Variants in STON1 observed in about 807,000 individuals in gnomAD.
STON1 encodes the protein stonin-1.
A neutral mutation model predicts 60.9 loss-of-function variants in STON1; 79 were observed. The ratio of observed to expected loss-of-function variants is 1.30; its 90% CI spans 1.08 to 1.56. The LOEUF (loss-of-function observed/expected upper bound fraction) is 1.56. STON1 is among the 40% of genes most tolerant of loss of function. The pLI is 0.00. For synonymous variants in STON1, 363 were observed against 306.9 expected (o/e 1.18, Z -1.91); for missense variants, 1,166 against 858.9 (o/e 1.36, Z -4.47).
At position 48,539,508 on chromosome 2, in the gene STON1, C is replaced by G. The variant is rs569016083; in HGVS notation, c.-48+9292C>G. Among the ~76,000 whole-genome samples, 7 of 151,948 alleles carry G rather than the reference C, an allele frequency of 4.6e-5. No homozygotes were observed. The South Asian group carries it at 1.0e-3, about 23-fold the overall frequency. The stretch of plus-strand genomic sequence containing the variant: ...TGTGTGGTGTTATGATATATGTTTT[C>G]TTTTTTGAGATGGGATGGAGTCTCG... On this transcript the variant is annotated intron_variant, in intron 1 of 3. Transcript: ENST00000404752.
chr2:48,553,188 G>A (rs1672172699), intron 1 of STON1, among the ~76,000 whole-genome samples: 1 of 152,152 alleles, frequency 6.6e-6, no homozygotes, highest in African/African-American at 2.4e-5. Context: ...TCCAAGAGGA[G>A]GGGAAACAGA....
intron 1 of STON1, among the ~76,000 whole-genome samples, chr2:48,553,102 CAGGGGTATGACT>C (rs1672169051): frequency 6.6e-6 from 1 of 152,134 alleles, no homozygotes; most frequent in African/African-American, 2.4e-5. Flanking sequence ...TGGGTCATTT[CAGGGGTATGACT>C]AGAATTGTCA....
chr2:48,557,004 G>C (rs1357404334), intron 1 of STON1, among the ~76,000 whole-genome samples: 6 of 83,748 alleles, frequency 7.2e-5, no homozygotes, highest in Non-Finnish European at 1.5e-4. Context: ...TGGACGGCAC[G>C]GCTGCCCGGG....
rs1489536395 is a variant in STON1 at position 48,597,776 on chromosome 2, T to G, written c.*2474T>G. 1 of 152,556 alleles carries G rather than the reference T, an allele frequency of 6.6e-6. No homozygotes were observed. Among genetic ancestry groups the G allele is most frequent in the Non-Finnish European group, 1.5e-5 (1 of 68,022 alleles). 9.5% of individuals were successfully genotyped at this position (152,556 alleles called of 1,614,324 possible). On this transcript the variant is annotated 3_prime_UTR_variant, in exon 4 of 4. Coordinates refer to ENST00000404752, the MANE Select transcript of STON1 (RefSeq NM_006873.4). ...ATTACTTAATGTTAAATTAACATTCTGTGTAGGGAGGGGAGGCTTATTCAA... is the reference window on the plus strand; with the variant it reads ...ATTACTTAATGTTAAATTAACATTCGGTGTAGGGAGGGGAGGCTTATTCAA...
chr2:48,598,450 T>G lies in STON1; in HGVS notation c.*3148T>G, dbSNP rs563557340. 1.1e-3 allele frequency: 170 copies of G among 152,782 alleles called. 1 individual carries two copies. The highest frequency in any genetic ancestry group is 3.9e-3 in the African/African-American group (163 of 41,594). The allele number at this position is 152,782 out of a possible 1,614,324, so 9.5% of individuals were successfully genotyped here. ...TATAAGACAGGTTGAGCCTTAATCA[T>G]GTAACAAAATATTTTGTAGATTACA... On this transcript the variant is annotated 3_prime_UTR_variant, in exon 4 of 4. Coordinates refer to ENST00000404752, the MANE Select transcript of STON1 (RefSeq NM_006873.4).
chr2:48,551,599 TTC>T (rs1335006790), intron 1 of STON1, among the ~76,000 whole-genome samples: 8 of 152,346 alleles, frequency 5.3e-5, no homozygotes, highest in Admixed American at 4.6e-4. Flanking sequence ...AAGTGAATTT[TTC>T]TCTGACAGAA....
In STON1 at chr2:48,580,622, C is replaced by T. The variant is rs763740007; in HGVS notation, c.-12C>T. On this transcript the variant is annotated 5_prime_UTR_variant, in exon 2 of 4. Coordinates refer to ENST00000404752, the MANE Select transcript of STON1 (RefSeq NM_006873.4). ...TTTGATTTCTTGACAAGACCACAAT[C>T]TGATCCCAAAGATGTGCTCCACAAA... The T allele has an allele frequency of 7.4e-7, 1 of 1,343,446 alleles. No individual in the cohort carries two copies. The highest frequency in any genetic ancestry group is 1.5e-5 in the African/African-American group (1 of 66,878). 83.2% of individuals were successfully genotyped at this position (1,343,446 alleles called of 1,614,324 possible). A position where few individuals can be genotyped will look rare whatever the true frequency, so the allele number is the denominator to read the frequency against.
intron 2 of STON1, among the ~76,000 whole-genome samples, chr2:48,588,411 C>T (rs7423425): frequency 0.32 from 48,448 of 152,070 alleles, 7,834 homozygotes; most frequent in South Asian, 0.37. Flanking sequence ...AGTGCAGTGG[C>T]GAGGTCTCAG....
chr2:48,567,085 G>C (rs62135210), intron 1 of STON1, among the ~76,000 whole-genome samples: 18,062 of 152,256 alleles, frequency 0.12, 1,458 homozygotes, highest in Middle Eastern at 0.25. Flanking sequence ...GAGGGGCAGT[G>C]TTAGGGAATT....
rs1674816321 is a variant in STON1, at chr2:48,597,151, C to G, written c.*1849C>G. On this transcript the variant is annotated 3_prime_UTR_variant, in exon 4 of 4. Coordinates refer to ENST00000404752, the MANE Select transcript of STON1 (RefSeq NM_006873.4). ...TAAATGCGTGAGCCACCATGCCCGG[C>G]CGCTATTGCTCTTTTTAACTTCATT... 6.6e-6 allele frequency: 1 copy of G among 152,280 alleles called. No homozygotes were observed. The highest frequency in any genetic ancestry group is 6.5e-5 in the Admixed American group (1 of 15,282). 9.4% of individuals were successfully genotyped at this position (152,280 alleles called of 1,614,324 possible).
chr2:48,579,180 T>C (rs545406905), intron 1 of STON1, among the ~76,000 whole-genome samples: 1 of 151,958 alleles, frequency 6.6e-6, no homozygotes, highest in African/African-American at 2.4e-5. Context: ...ATTTTTTGTA[T>C]TTTTAGTAGA....
intron 1 of STON1, among the ~76,000 whole-genome samples, chr2:48,551,790 C>T (rs1437911699): frequency 6.6e-6 from 1 of 152,240 alleles, no homozygotes; most frequent in Non-Finnish European, 1.5e-5. Flanking sequence ...GGCCCTCAGC[C>T]TATGCCAGGG....
At chr2:48,565,045 C>T (rs1187015578) in intron 1 of STON1, among the ~76,000 whole-genome samples, 3 of 86,506 alleles carry the variant, frequency 3.5e-5, no homozygotes, top group Admixed American at 1.5e-4. Flanking sequence ...CCGGCTTCTT[C>T]TTTTTTTTTT....
intron 3 of STON1, among the ~76,000 whole-genome samples, chr2:48,592,853 G>A (rs1345253272): frequency 6.6e-6 from 1 of 151,656 alleles, no homozygotes; most frequent in Non-Finnish European, 1.5e-5. Context: ...GGTCTCAAGT[G>A]ATCCTCCTGC....
intron 1 of STON1, among the ~76,000 whole-genome samples, chr2:48,564,489 C>CT (rs1558604929): frequency 1.3e-3 from 32 of 24,970 alleles, no homozygotes; most frequent in African/African-American, 2.3e-3. Context: ...CTTTCTTCTT[C>CT]TTCTTCTTCT....
At chr2:48,580,537 C>T (rs1259711987) in intron 1 of STON1, 50 bp from the exon 2 acceptor site, 1 of 1,287,142 alleles carries the variant, frequency 7.8e-7, no homozygotes. Context: ...GTAATGATTC[C>T]CCCCTTCATT....
chr2:48,587,448 A>G (rs1435417537), intron 2 of STON1, among the ~76,000 whole-genome samples: 3 of 152,122 alleles, frequency 2.0e-5, no homozygotes, highest in Non-Finnish European at 4.4e-5. Flanking sequence ...GCGCACCACC[A>G]CGCCTGGCTA....
intron 1 of STON1, 32 bp from the exon 2 acceptor site, chr2:48,580,555 C>A (rs2103911198): frequency 7.6e-7 from 1 of 1,318,124 alleles, no homozygotes; most frequent in Non-Finnish European, 9.7e-7. Context: ...ATTTTATATA[C>A]CTATTTTCTC....
chr2:48,542,828 G>T (rs1008953862), intron 1 of STON1, among the ~76,000 whole-genome samples: 4 of 151,968 alleles, frequency 2.6e-5, no homozygotes, highest in Non-Finnish European at 5.9e-5. Context: ...TGCTTGAGCC[G>T]GGGAGGTTGA....
Sources: allele counts gnomAD v4.1 joint callset (sites outside exome capture counted in the v4.1 genomes callset), GRCh38; gene constraint gnomAD v4.1.1; transcripts MANE v1.5; gene names NCBI Gene and HGNC (gene_info 2026-07-23, HGNC 2026-07-21).